ACO2: variants seen among roughly 807,000 people sequenced by gnomAD.
ACO2 encodes aconitate hydratase, mitochondrial.
Under a neutral mutation model 84.5 loss-of-function variants are expected in ACO2, and 31 were observed. The ratio of observed to expected loss-of-function variants is 0.37; its 90% CI spans 0.28 to 0.50. The LOEUF (loss-of-function observed/expected upper bound fraction) is 0.50. Among genes scored for constraint, ACO2 ranks in the 20% least tolerant of loss-of-function variants. The probability of loss-of-function intolerance (pLI) is 0.97; values close to 1 mark genes in which losing one functional copy is unlikely to be tolerated. For synonymous variants in ACO2, 414 were observed against 412.7 expected, an observed-to-expected ratio of 1.00 and a Z score of -0.04; for missense variants, 685 against 1,029.3, an observed-to-expected ratio of 0.67 and a Z score of 4.58.
intron 1 of ACO2, among the ~76,000 whole-genome samples, chr22:41,483,270 C>G: frequency 6.6e-6 from 1 of 152,174 alleles, no homozygotes; most frequent in Non-Finnish European, 1.5e-5. Context: ...TGGGTGACCT[C>G]AGGAATGTCT....
At chr22:41,512,311 C>T (rs1453451183) in intron 4 of ACO2, 1 of 221,336 alleles carries the variant, frequency 4.5e-6, no homozygotes, top group Non-Finnish European at 8.9e-6. Flanking sequence ...TGTTTTTTTT[C>T]ACAAGTGTCA....
At chr22:41,516,211 C>T in intron 6 of ACO2, 2 of 601,178 alleles carry the variant, frequency 3.3e-6, no homozygotes, top group Non-Finnish European at 5.9e-6. Context: ...GGGCCCAGGC[C>T]ATAGCACTAG....
intron 1 of ACO2, among the ~76,000 whole-genome samples, chr22:41,479,306 G>A (rs986107672): frequency 6.6e-6 from 1 of 152,158 alleles, no homozygotes; most frequent in Non-Finnish European, 1.5e-5. Flanking sequence ...CATCTGTTGA[G>A]CAATCAGGCC....
At chr22:41,523,732 A>C in intron 11 of ACO2, 98 bp from the exon 12 acceptor site, 1 of 1,106,326 alleles carries the variant, frequency 9.0e-7, no homozygotes, top group Non-Finnish European at 1.4e-6. Flanking sequence ...GGTAGGAGCT[A>C]GGCTGGGCTG....
chr22:41,509,131 C>T (rs1014766926), intron 3 of ACO2, among the ~76,000 whole-genome samples: 1 of 152,112 alleles, frequency 6.6e-6, no homozygotes, highest in Admixed American at 6.5e-5. Context: ...CCCACAGTGC[C>T]GGGAACTGCA....
Position 41,527,433 on chromosome 22 carries a change from CTG to C in ACO2, c.2086+15_2086+16del. On this transcript the variant is annotated intron_variant, in intron 16 of 17. Coordinates refer to ENST00000216254, the MANE Select transcript of ACO2 (RefSeq NM_001098.3). The stretch of plus-strand genomic sequence containing the variant: ...GCCAGGATCCACGGTGAGCTGGAGT[CTG>C]TACCCAGGCCATCCTCATCCCATCC... The C allele has an allele frequency of 1.2e-6, 2 of 1,603,438 alleles. No individual in the cohort carries two copies. The highest frequency in any genetic ancestry group is 1.7e-6 in the Non-Finnish European group (2 of 1,175,422).
chr22:41,509,162 C>T (rs1021710092), intron 3 of ACO2, among the ~76,000 whole-genome samples: 1 of 152,204 alleles, frequency 6.6e-6, no homozygotes, highest in Admixed American at 6.5e-5. Context: ...AACGTGGGTC[C>T]TCTGCAGCCC....
intron 1 of ACO2, among the ~76,000 whole-genome samples, chr22:41,499,289 G>C (rs1241682806): frequency 6.6e-6 from 1 of 152,132 alleles, no homozygotes; most frequent in Non-Finnish European, 1.5e-5. Context: ...CCCTCAAGAA[G>C]CTTATAGTGC....
chr22:41,505,428 A>G (rs2066385854), intron 2 of ACO2, among the ~76,000 whole-genome samples: 1 of 105,640 alleles, frequency 9.5e-6, no homozygotes, highest in Non-Finnish European at 2.2e-5. Flanking sequence ...AAATAATAAC[A>G]ATAATAATAA....
chr22:41,528,208 G>T, intron 17 of ACO2, 186 bp downstream of exon 17: 1 of 964,490 alleles, frequency 1.0e-6, no homozygotes, highest in Non-Finnish European at 1.5e-6. Context: ...GAGTCAACCC[G>T]GGGCCCTCAC....
intron 2 of ACO2, among the ~76,000 whole-genome samples, chr22:41,502,258 G>T (rs577861192): frequency 3.7e-4 from 56 of 152,230 alleles, no homozygotes; most frequent in African/African-American, 1.2e-3. Flanking sequence ...TCAAAATGTG[G>T]TCCATGGGCC....
At chr22:41,499,683 C>G in intron 1 of ACO2, 43 bp from the exon 2 acceptor site, 1 of 1,601,850 alleles carries the variant, frequency 6.2e-7, no homozygotes. Flanking sequence ...ATGGACTCTC[C>G]TAAGTGCTCC....
chr22:41,525,122 T>G (rs2066569247), intron 13 of ACO2, 71 bp from the exon 14 acceptor site: 2 of 1,596,376 alleles, frequency 1.3e-6, no homozygotes, highest in Non-Finnish European at 1.7e-6. Context: ...CGAGGAAACT[T>G]GCCTTCTGAG....
At chr22:41,523,061 A>C (rs901736928) in intron 10 of ACO2, 74 bp downstream of exon 10, 8 of 1,587,658 alleles carry the variant, frequency 5.0e-6, no homozygotes, top group Non-Finnish European at 6.9e-6. Flanking sequence ...ACAAGCCCAG[A>C]GGCCTGTTGG....
At chr22:41,496,927 C>T (rs987261820) in intron 1 of ACO2, among the ~76,000 whole-genome samples, 1 of 152,146 alleles carries the variant, frequency 6.6e-6, no homozygotes, top group Admixed American at 6.5e-5. Context: ...AGATTGACAG[C>T]GTTTGGATTA....
intron 1 of ACO2, among the ~76,000 whole-genome samples, chr22:41,474,584 C>A (rs550958256): frequency 1.9e-4 from 24 of 126,126 alleles, no homozygotes; most frequent in Non-Finnish European, 3.9e-4. Flanking sequence ...TGAGCCACTG[C>A]GCCTAGCCTT....
intron 9 of ACO2, 132 bp downstream of exon 9, chr22:41,520,408 G>C (rs1222549314): frequency 1.5e-6 from 1 of 650,542 alleles, no homozygotes; most frequent in South Asian, 3.0e-5. Context: ...GTTTATTATT[G>C]AAAAATTACT....
intron 8 of ACO2, among the ~76,000 whole-genome samples, chr22:41,519,203 G>T (rs2146129542): frequency 6.6e-6 from 1 of 152,308 alleles, no homozygotes; most frequent in African/African-American, 2.4e-5. Flanking sequence ...GCAGGGTTAG[G>T]CACCCTGAGA....
At chr22:41,528,441 AC>A (rs928644537) in intron 17 of ACO2, 37 bp from the exon 18 acceptor site, 7 of 1,607,072 alleles carry the variant, frequency 4.4e-6, no homozygotes, top group Non-Finnish European at 5.9e-6. Flanking sequence ...GGCACACAGT[AC>A]CCACCACTTC....
Sources: allele counts gnomAD v4.1 joint callset (sites outside exome capture counted in the v4.1 genomes callset), GRCh38; gene constraint gnomAD v4.1.1; transcripts MANE v1.5; gene names NCBI Gene and HGNC (gene_info 2026-07-23, HGNC 2026-07-21).